SERGEF: variants seen among roughly 807,000 people sequenced by gnomAD.
SERGEF encodes the protein secretion-regulating guanine nucleotide exchange factor.
SERGEF carries 51 observed loss-of-function variants against 50.0 expected under a neutral mutation model. That is an observed-to-expected ratio of 1.02 (90% CI 0.81 to 1.29). SERGEF has a LOEUF of 1.29. SERGEF is among the 50% of genes most tolerant of loss of function. SERGEF has a pLI of 0.00. For missense variants in SERGEF, 521 were observed against 557.0 expected (o/e 0.94, Z 0.65); for synonymous variants, 205 against 212.4 (o/e 0.97, Z 0.30).
chr11:17,982,534 G>C (rs1044487750), intron 8 of SERGEF, among the ~76,000 whole-genome samples: 8 of 152,144 alleles, frequency 5.3e-5, no homozygotes, highest in East Asian at 1.9e-4. Flanking sequence ...TTTAAATAGA[G>C]CCCATGAGGT....
chr11:18,007,972 T>C lies in SERGEF; in HGVS notation c.165A>G (p.Thr55=). The change falls in exon 2 of 11, where the codon ACA becomes ACG. Residue 55 remains threonine (T), a synonymous_variant. Transcript: ENST00000265965. The part of the protein sequence containing the change: ...FCKPRSVRRI[T]GGGGHSAVVT... ...CAACTGCAGAGTGGCCCCCTCCTCC[T>C]GTGATCCTCCTGACACTCCTGGGTT... is the stretch of plus-strand genomic sequence containing the variant. 3.7e-6 allele frequency: 6 copies of C among 1,614,078 alleles called. No individual in the cohort carries two copies. Among genetic ancestry groups the C allele is most frequent in the Non-Finnish European group, 5.1e-6 (6 of 1,179,928 alleles).
In SERGEF at chr11:17,963,362, AGT is replaced by A. The variant is rs1410943015; in HGVS notation, c.845-3728_845-3727del. Among the ~76,000 whole-genome samples the A allele has an allele frequency of 1.8e-4, 16 of 87,198 alleles. No homozygotes were observed. In the South Asian group the frequency reaches 8.2e-3, roughly 45 times the overall value. The allele number at this position is 87,198 out of a possible 152,430, so 57.2% of individuals were successfully genotyped here. A position where few individuals can be genotyped will look rare whatever the true frequency, so the allele number is the denominator to read the frequency against. On this transcript the variant is annotated intron_variant, in intron 8 of 10. Coordinates refer to ENST00000265965, the MANE Select transcript of SERGEF (RefSeq NM_012139.4). ...TCCCTAAACTTGGTTGCTTACTATT[AGT>A]AAAAAAAAAAAAAAAAAAAAAAAAA...
intron 10 of SERGEF, among the ~76,000 whole-genome samples, chr11:17,841,186 C>T (rs530035631): frequency 2.2e-4 from 34 of 152,292 alleles, no homozygotes; most frequent in African/African-American, 8.2e-4. Context: ...TTTCTCGGGG[C>T]ATCCTAAGGC....
chr11:17,856,480 T>C (rs557070507), intron 10 of SERGEF: 8 of 152,314 alleles, frequency 5.3e-5, no homozygotes, highest in Non-Finnish European at 1.0e-4. Flanking sequence ...CTGGAGCCTT[T>C]TGGCAGCCAA....
intron 10 of SERGEF, among the ~76,000 whole-genome samples, chr11:17,823,184 A>G (rs867672324): frequency 4.6e-5 from 7 of 152,314 alleles, no homozygotes; most frequent in Middle Eastern, 3.4e-3. Context: ...ATGTCCCTCA[A>G]TTGAGTTTTT....
chr11:17,902,655 A>T (rs565755330), intron 9 of SERGEF, among the ~76,000 whole-genome samples: 26 of 152,366 alleles, frequency 1.7e-4, no homozygotes, highest in African/African-American at 6.0e-4. Context: ...AGTTAGGTGG[A>T]ACATGGGCAG....
chr11:17,896,084 G>T (rs1851616247), intron 9 of SERGEF, among the ~76,000 whole-genome samples: 1 of 152,088 alleles, frequency 6.6e-6, no homozygotes, highest in South Asian at 2.1e-4. Context: ...CTTGGGATAA[G>T]TTTTCTAAAA....
At chr11:18,005,344 T>C (rs1245078907) in intron 3 of SERGEF, among the ~76,000 whole-genome samples, 2 of 152,172 alleles carry the variant, frequency 1.3e-5, no homozygotes, top group African/African-American at 4.8e-5. Flanking sequence ...TGGTGACACT[T>C]GAGCAGGGTT....
At chr11:17,915,429 C>A (rs996464756) in intron 9 of SERGEF, among the ~76,000 whole-genome samples, 2 of 152,162 alleles carry the variant, frequency 1.3e-5, no homozygotes, top group African/African-American at 4.8e-5. Context: ...ACCTAACTGG[C>A]CCAAGGTCAC....
chr11:17,852,026 A>G (rs749115275), intron 10 of SERGEF, among the ~76,000 whole-genome samples: 1 of 152,078 alleles, frequency 6.6e-6, no homozygotes, highest in East Asian at 1.9e-4. Context: ...CATCAAATCT[A>G]CCTCCCTAAG....
chr11:17,882,716 T>A (rs1039063203), intron 9 of SERGEF, among the ~76,000 whole-genome samples: 2 of 152,060 alleles, frequency 1.3e-5, no homozygotes, highest in African/African-American at 4.8e-5. Context: ...AGGTATATGA[T>A]CCCAAAGCAA....
chr11:17,990,277 G>T (rs1244464395), intron 7 of SERGEF, among the ~76,000 whole-genome samples: 1 of 152,134 alleles, frequency 6.6e-6, no homozygotes, highest in Non-Finnish European at 1.5e-5. Flanking sequence ...CACATTCTAG[G>T]TCTGTTTCCT....
At chr11:17,822,973 A>C (rs1169301659) in intron 10 of SERGEF, among the ~76,000 whole-genome samples, 2 of 152,232 alleles carry the variant, frequency 1.3e-5, no homozygotes, top group African/African-American at 2.4e-5. Flanking sequence ...CTAAGGGACC[A>C]GCACTGGTAC....
At chr11:17,996,863 C>T (rs1167685111) in intron 5 of SERGEF, among the ~76,000 whole-genome samples, 1 of 151,368 alleles carries the variant, frequency 6.6e-6, no homozygotes, top group Non-Finnish European at 1.5e-5. Context: ...AGATAGCTGA[C>T]AGGAGATGAA....
At chr11:17,797,292 C>T (rs1411353316) in intron 10 of SERGEF, among the ~76,000 whole-genome samples, 1 of 152,242 alleles carries the variant, frequency 6.6e-6, no homozygotes, top group Non-Finnish European at 1.5e-5. Flanking sequence ...AGCTCCTTCT[C>T]TAACATCATG....
At chr11:17,835,315 G>A (rs1475418898) in intron 10 of SERGEF, among the ~76,000 whole-genome samples, 1 of 152,154 alleles carries the variant, frequency 6.6e-6, no homozygotes, top group Admixed American at 6.5e-5. Context: ...GTAAGCTCCA[G>A]GCAGTTGCAT....
At chr11:17,887,192 G>C (rs1851446141) in intron 9 of SERGEF, among the ~76,000 whole-genome samples, 1 of 152,178 alleles carries the variant, frequency 6.6e-6, no homozygotes, top group Non-Finnish European at 1.5e-5. Flanking sequence ...TTAGGCTTTT[G>C]AGTTGCCTTG....
At chr11:17,922,563 T>A (rs1380973277) in intron 9 of SERGEF, among the ~76,000 whole-genome samples, 1 of 152,214 alleles carries the variant, frequency 6.6e-6, no homozygotes, top group Admixed American at 6.5e-5. Flanking sequence ...AGTTTCATAC[T>A]GGTCAGTTTT....
chr11:17,956,218 T>C (rs892497201), intron 9 of SERGEF, among the ~76,000 whole-genome samples: 13 of 152,166 alleles, frequency 8.5e-5, no homozygotes, highest in African/African-American at 2.7e-4. Context: ...AGAAAAGAAT[T>C]GAAACACTTA....
Sources: gnomAD v4.1 joint callset for allele counts (sites outside exome capture counted in the v4.1 genomes callset) on GRCh38, gnomAD v4.1.1 for gene constraint, MANE v1.5 for transcripts, NCBI Gene and HGNC (gene_info 2026-07-23, HGNC 2026-07-21) for gene names.